The following TAMM41 variants were observed in gnomAD, a reference collection of about 807,000 sequenced individuals.
The protein encoded by TAMM41 is phosphatidate cytidylyltransferase, mitochondrial.
A neutral mutation model predicts 44.1 loss-of-function variants in TAMM41; 36 were observed. The observed-to-expected ratio is 0.82, with a 90% CI of 0.63 to 1.08. The LOEUF is 1.08. Ranked by LOEUF, TAMM41 falls within the 50% of genes least tolerant of loss-of-function variation. TAMM41 has a pLI of 0.00. For missense variants in TAMM41, 417 were observed against 404.3 expected (o/e 1.03, Z -0.27); for synonymous variants, 164 against 153.1 (o/e 1.07, Z -0.53).
intron 7 of TAMM41, chr3:11,807,134 C>T: frequency 1.0e-6 from 1 of 974,992 alleles, no homozygotes; most frequent in Non-Finnish European, 1.2e-6. Flanking sequence ...ACATGAGATA[C>T]AGTAAATGGG....
chr3:11,742,275 A>G, the TAMM41 span, among the ~76,000 whole-genome samples: 2 of 149,754 alleles, frequency 1.3e-5, 1 homozygote, highest in African/African-American at 5.1e-5. Context: ...CCTGACGACC[A>G]CCAATCTGTT....
At chr3:11,742,490 C>T in the TAMM41 span, among the ~76,000 whole-genome samples, 1 of 150,158 alleles carries the variant, frequency 6.7e-6, no homozygotes, top group Non-Finnish European at 1.5e-5. Flanking sequence ...CACTCACGTG[C>T]TCACAGACAC....
chr3:11,833,153 T>TG (rs1559317084), intron 3 of TAMM41: 1 of 1,284,372 alleles, frequency 7.8e-7, no homozygotes, highest in South Asian at 1.3e-5. Context: ...CAGAGAGGCC[T>TG]GGGAAAAAAA....
At chr3:11,746,947 A>T in the TAMM41 span, among the ~76,000 whole-genome samples, 1 of 152,136 alleles carries the variant, frequency 6.6e-6, no homozygotes, top group African/African-American at 2.4e-5. Context: ...ATGCTGTATG[A>T]TTCCATCTAT....
chr3:11,734,405 G>C, the TAMM41 span, among the ~76,000 whole-genome samples: 1 of 152,160 alleles, frequency 6.6e-6, no homozygotes, highest in Admixed American at 6.5e-5. Context: ...CGGGCACAGA[G>C]GTGGCGTCCA....
the TAMM41 span, among the ~76,000 whole-genome samples, chr3:11,761,123 G>C: frequency 5.3e-5 from 8 of 150,968 alleles, no homozygotes; most frequent in African/African-American, 1.9e-4. Context: ...AGCCGAGATC[G>C]GGCCACTGCA....
chr3:11,747,242 T>C, the TAMM41 span, among the ~76,000 whole-genome samples: 2 of 152,076 alleles, frequency 1.3e-5, no homozygotes, highest in Non-Finnish European at 2.9e-5. Context: ...TTTGTATTTT[T>C]AGTAGAGACG....
At chr3:11,751,089 C>CTTTTTT in the TAMM41 span, among the ~76,000 whole-genome samples, 1 of 130,278 alleles carries the variant, frequency 7.7e-6, no homozygotes, top group Non-Finnish European at 1.6e-5. Flanking sequence ...ACAGATGATA[C>CTTTTTT]TTTTTTTTTT....
the TAMM41 span, among the ~76,000 whole-genome samples, chr3:11,775,572 T>A: frequency 6.6e-6 from 1 of 151,980 alleles, no homozygotes; most frequent in African/African-American, 2.4e-5. Flanking sequence ...GTAACTTAAC[T>A]CAGATTCAGA....
At chr3:11,823,256 T>C (rs1559301390) in intron 4 of TAMM41, among the ~76,000 whole-genome samples, 1 of 142,810 alleles carries the variant, frequency 7.0e-6, no homozygotes, top group Non-Finnish European at 1.5e-5. Context: ...TTGTTGTTGT[T>C]TTTTTTTTTT....
chr3:11,739,434 G>T, the TAMM41 span, among the ~76,000 whole-genome samples: 1 of 152,132 alleles, frequency 6.6e-6, no homozygotes, highest in Non-Finnish European at 1.5e-5. Flanking sequence ...CCCAGGGGCT[G>T]GCTCTTCCCT....
chr3:11,728,017 C>T, the TAMM41 span, among the ~76,000 whole-genome samples: 9 of 152,020 alleles, frequency 5.9e-5, no homozygotes, highest in African/African-American at 2.2e-4. Flanking sequence ...AAACTCCCAA[C>T]CTCAGGTGAT....
At position 11,846,691 on chromosome 3, in the gene TAMM41, G is replaced by A. The variant is rs760858072; in HGVS notation, c.-55C>T. ...GCAGCAGGGCGAGGACAACCGGGCG[G>A]GGAACAGACACCGGGTAGGCGGTTT... On this transcript the variant is annotated 5_prime_UTR_variant, in exon 1 of 8. Coordinates refer to ENST00000455809, the MANE Select transcript of TAMM41 (RefSeq NM_001284401.2). 1.6e-5 allele frequency: 25 copies of A among 1,611,492 alleles called. No individual in the cohort carries two copies. Among genetic ancestry groups the A allele is most frequent in the Non-Finnish European group, 2.0e-5 (23 of 1,178,642 alleles).
rs922476310 is a variant in TAMM41 at position 11,839,281 on chromosome 3, G to A, written c.352C>T (p.Leu118=). 1 of 1,613,464 alleles carries A rather than the reference G, an allele frequency of 6.2e-7. No homozygotes were observed. Among genetic ancestry groups the A allele is most frequent in the Non-Finnish European group, 8.5e-7 (1 of 1,179,646 alleles). Residue 118 remains leucine (L), a synonymous_variant, in exon 3 of 8, where the codon CTG becomes TTG. Coordinates refer to ENST00000455809, the MANE Select transcript of TAMM41 (RefSeq NM_001284401.2). ...IKYGVISTNV[L]IEDLLNWNNL... is the part of the protein sequence containing the mutation. ...TTCCAGTTGAGGAGATCTTCAATCA[G>A]AACGTTAGTGCTAATAACTCCATAT...
At chr3:11,845,827 C>G (rs1020056610) in intron 1 of TAMM41, among the ~76,000 whole-genome samples, 1 of 152,198 alleles carries the variant, frequency 6.6e-6, no homozygotes, top group Non-Finnish European at 1.5e-5. Context: ...CTTACTGAGG[C>G]TGTGCTGAGC....
chr3:11,773,811 C>T, the TAMM41 span, among the ~76,000 whole-genome samples: 7 of 152,144 alleles, frequency 4.6e-5, no homozygotes, highest in Admixed American at 2.6e-4. Context: ...TGTTGGGGGC[C>T]GGGTGCGGTG....
At chr3:11,796,481 C>A (rs2077609589) in intron 7 of TAMM41, among the ~76,000 whole-genome samples, 1 of 152,190 alleles carries the variant, frequency 6.6e-6, no homozygotes, top group Non-Finnish European at 1.5e-5. Flanking sequence ...CGGAATTTAA[C>A]TGAATTTGAC....
At chr3:11,724,006 G>A in the TAMM41 span, among the ~76,000 whole-genome samples, 1 of 151,758 alleles carries the variant, frequency 6.6e-6, no homozygotes, top group Non-Finnish European at 1.5e-5. Flanking sequence ...GGGGATGGGG[G>A]GGGGTGACAC....
chr3:11,826,259 C>T (rs531824255), intron 4 of TAMM41, among the ~76,000 whole-genome samples: 4 of 152,242 alleles, frequency 2.6e-5, no homozygotes, highest in African/African-American at 4.8e-5. Flanking sequence ...GGCAGCCAGG[C>T]GCAGTGGCCC....
Sources: allele counts gnomAD v4.1 joint callset (sites outside exome capture counted in the v4.1 genomes callset), GRCh38; gene constraint gnomAD v4.1.1; transcripts MANE v1.5; gene names NCBI Gene and HGNC (gene_info 2026-07-23, HGNC 2026-07-21).